Variants in UIMC1 observed in about 807,000 individuals in gnomAD.
UIMC1 encodes the protein ubiquitin interaction motif containing 1, also known as BRCA1-A complex subunit RAP80.
Under a neutral mutation model 84.9 loss-of-function variants are expected in UIMC1, and 42 were observed. The ratio of observed to expected loss-of-function variants is 0.49; its 90% confidence interval spans 0.39 to 0.64. The LOEUF (loss-of-function observed/expected upper bound fraction) is 0.64, where lower values mean the gene tolerates loss of function less well. Ranked by LOEUF, UIMC1 falls within the 30% of genes least tolerant of loss-of-function variation. The pLI is 0.00. For synonymous variants in UIMC1, 281 were observed against 293.0 expected, an observed-to-expected ratio of 0.96 and a Z score of 0.42; for missense variants, 825 against 847.6, an observed-to-expected ratio of 0.97 and a Z score of 0.33.
chr5:176,908,665 A>G lies in UIMC1; in HGVS notation c.1706T>C (p.Leu569Pro). The G allele has an allele frequency of 5.0e-6, 8 of 1,614,012 alleles. No homozygotes were observed. The highest frequency in any genetic ancestry group is 6.8e-6 in the Non-Finnish European group (8 of 1,179,896). The change falls in exon 12 of 15, where the codon CTG becomes CCG. Residue 569 changes from leucine (L) to proline (P), a missense_variant. Transcript: ENST00000511320. ...ACACTGATACTCTCTAAATGGGACCAGGGATTTACAGAGGTAACACTTCTC... is the reference window on the plus strand; with the variant it reads ...ACACTGATACTCTCTAAATGGGACCGGGGATTTACAGAGGTAACACTTCTC... ...KNEKCYLCKS[L>P]VPFREYQCHV...
Position 176,955,979 on chromosome 5 carries a change from T to C in UIMC1, c.1319A>G (p.Glu440Gly). ...SLVLMPESSAEEITVCPETQL... is the reference protein window; with the variant it reads ...SLVLMPESSAGEITVCPETQL... ...CTTACCAGGACAAACAGTGATTTCT[T>C]CTGCAGAACTCTCTGGCATAAGGAC... The change falls in exon 8 of 15, where the codon GAA (glutamate) becomes GGA (glycine). Residue 440 changes from glutamate (E) to glycine (G), a missense_variant. Transcript: ENST00000511320. The C allele has an allele frequency of 1.2e-5, 20 of 1,613,710 alleles. No homozygotes were observed. The highest frequency in any genetic ancestry group is 1.7e-5 in the Non-Finnish European group (20 of 1,179,732).
chr5:176,924,989 C>T (rs1022485164), intron 10 of UIMC1, among the ~76,000 whole-genome samples: 22 of 150,570 alleles, frequency 1.5e-4, no homozygotes, highest in Non-Finnish European at 3.2e-4. Context: ...TGAGATCGTG[C>T]CACTGCACTC....
At chr5:176,986,260 T>G (rs1771968511) in intron 1 of UIMC1, among the ~76,000 whole-genome samples, 1 of 143,200 alleles carries the variant, frequency 7.0e-6, no homozygotes, top group African/African-American at 2.6e-5. Context: ...ATCCAGAAGC[T>G]GAGGCAGGAG....
chr5:176,978,416 G>A (rs745907490), intron 2 of UIMC1, among the ~76,000 whole-genome samples: 3 of 151,906 alleles, frequency 2.0e-5, no homozygotes, highest in Admixed American at 6.6e-5. Flanking sequence ...TTGGTAGCCC[G>A]GTTTTATGGG....
chr5:176,953,144 C>T (rs909278215), intron 8 of UIMC1, among the ~76,000 whole-genome samples: 17 of 152,170 alleles, frequency 1.1e-4, no homozygotes, highest in African/African-American at 3.9e-4. Context: ...TCACCAGACA[C>T]TGAATCTGCC....
At chr5:177,004,060 G>C (rs922187423) in intron 1 of UIMC1, among the ~76,000 whole-genome samples, 1 of 152,128 alleles carries the variant, frequency 6.6e-6, no homozygotes, top group African/African-American at 2.4e-5. Context: ...GAGCTCCTGG[G>C]TGCAAGCAAT....
intron 1 of UIMC1, among the ~76,000 whole-genome samples, chr5:176,989,014 G>C (rs1330895120): frequency 2.0e-5 from 3 of 151,968 alleles, no homozygotes; most frequent in Non-Finnish European, 4.4e-5. Context: ...TTTTTAAAAA[G>C]GGGAGCCCCG....
intron 8 of UIMC1, among the ~76,000 whole-genome samples, chr5:176,955,487 T>G (rs1032675636): frequency 1.3e-5 from 2 of 152,130 alleles, no homozygotes; most frequent in African/African-American, 2.4e-5. Context: ...ATCCTAGCAC[T>G]TTGGGAGGCC....
At chr5:176,917,915 T>C (rs1306663763) in intron 10 of UIMC1, among the ~76,000 whole-genome samples, 1 of 152,172 alleles carries the variant, frequency 6.6e-6, no homozygotes, top group African/African-American at 2.4e-5. Context: ...GCCGAGATCA[T>C]GTCATTGCAC....
intron 1 of UIMC1, among the ~76,000 whole-genome samples, chr5:176,994,343 C>T (rs1220677444): frequency 6.6e-6 from 1 of 151,980 alleles, no homozygotes; most frequent in Non-Finnish European, 1.5e-5. Flanking sequence ...CAAGAAATTA[C>T]AAATTAAATT....
chr5:176,991,776 C>A (rs1192185952), intron 1 of UIMC1, among the ~76,000 whole-genome samples: 2 of 151,530 alleles, frequency 1.3e-5, no homozygotes, highest in African/African-American at 4.9e-5. Context: ...ACTAAAAATA[C>A]AAAAAATTCG....
chr5:177,006,126 T>A (rs1028202195), intron 1 of UIMC1, among the ~76,000 whole-genome samples: 6 of 152,256 alleles, frequency 3.9e-5, no homozygotes, highest in African/African-American at 1.4e-4. Flanking sequence ...GGACCACGGC[T>A]GAGGGAGCTC....
chr5:177,005,844 C>CACTA (rs1775173449), intron 1 of UIMC1, among the ~76,000 whole-genome samples: 3 of 152,112 alleles, frequency 2.0e-5, no homozygotes. Flanking sequence ...AATCCAGCTC[C>CACTA]ACTACTGCCC....
intron 1 of UIMC1, chr5:177,022,446 A>G (rs541529100): frequency 6.4e-4 from 235 of 368,450 alleles, no homozygotes; most frequent in Non-Finnish European, 1.1e-3. Flanking sequence ...AACGAAATGA[A>G]AAGTATCAAG....
chr5:176,963,718 A>G (rs1767887405), intron 6 of UIMC1, among the ~76,000 whole-genome samples: 1 of 152,026 alleles, frequency 6.6e-6, no homozygotes, highest in South Asian at 2.1e-4. Context: ...AGGTCTGAGT[A>G]TTCTGGTCAC....
At chr5:176,942,961 C>T (rs551325755) in intron 10 of UIMC1, among the ~76,000 whole-genome samples, 1 of 152,052 alleles carries the variant, frequency 6.6e-6, no homozygotes, top group African/African-American at 2.4e-5. Context: ...ACTTGGGAGG[C>T]TAAGGCGTGA....
At chr5:176,953,495 T>TACACACACACACAC (rs137955830) in intron 8 of UIMC1, among the ~76,000 whole-genome samples, 3,996 of 136,914 alleles carry the variant, frequency 0.029, 209 homozygotes, top group African/African-American at 0.093. Flanking sequence ...ACTGGACACA[T>TACACACACACACAC]ACACACACAC....
chr5:176,956,256 G>A (rs145456332), intron 7 of UIMC1, among the ~76,000 whole-genome samples: 1 of 152,194 alleles, frequency 6.6e-6, no homozygotes, highest in Non-Finnish European at 1.5e-5. Context: ...TGAAATCACT[G>A]AATGAAAACA....
At chr5:176,984,265 T>A (rs2149510176) in intron 1 of UIMC1, among the ~76,000 whole-genome samples, 1 of 102,944 alleles carries the variant, frequency 9.7e-6, no homozygotes, top group East Asian at 3.8e-4. Context: ...GGCCGGCCCA[T>A]CTGGGATGTG....
Sources: gnomAD v4.1 joint callset for allele counts (sites outside exome capture counted in the v4.1 genomes callset) on GRCh38, gnomAD v4.1.1 for gene constraint, MANE v1.5 for transcripts, NCBI Gene and HGNC (gene_info 2026-07-23, HGNC 2026-07-21) for gene names.